The following NRG2 variants were observed in gnomAD, a reference collection of about 807,000 sequenced individuals.
The protein encoded by NRG2 is pro-neuregulin-2, membrane-bound isoform.
Under a neutral mutation model 73.9 loss-of-function variants are expected in NRG2, and 27 were observed. That is an observed-to-expected ratio of 0.37 (90% CI 0.27 to 0.50). NRG2 has a LOEUF of 0.50. NRG2 is among the 20% of genes least tolerant of loss of function. The pLI, the probability that NRG2 is intolerant of heterozygous loss-of-function variation, is 0.96. For missense variants in NRG2, 1,126 were observed against 1,210.1 expected, an observed-to-expected ratio of 0.93 and a Z score of 1.03; for synonymous variants, 532 against 541.0, an observed-to-expected ratio of 0.98 and a Z score of 0.23.
At chr5:140,026,042 G>A (rs533244623) in intron 1 of NRG2, among the ~76,000 whole-genome samples, 32 of 152,318 alleles carry the variant, frequency 2.1e-4, no homozygotes, top group East Asian at 5.8e-4. Flanking sequence ...GCTAAGCCCA[G>A]AAGGAAGAGG....
In NRG2 at chr5:139,954,303, C is replaced by T. The variant is rs767006924; in HGVS notation, c.701-66792G>A. ...GCCTGGGGCCCCAGGAGACCTGCAG[C>T]GGCTGTCTAGCCCCAGGTCCCAAGG... On this transcript the variant is annotated intron_variant, in intron 1 of 9. Transcript: ENST00000361474. This position sits in a 1 kb window ranked among gnomAD's most constrained non-coding sequence, Gnocchi z 5.0. Among the ~76,000 whole-genome samples the T allele has an allele frequency of 2.9e-4, 44 of 152,146 alleles. 1 individual carries two copies. Among genetic ancestry groups the T allele is most frequent in the Admixed American group, 2.7e-3 (42 of 15,282 alleles).
chr5:139,865,078 C>G lies in NRG2; in HGVS notation c.1189+471G>C. ...CCCTCCCCAGGGGGAGACTGTCAGTCACCAGGGAAGAGAAGAAATAGAAGA... is the reference window on the plus strand; with the variant it reads ...CCCTCCCCAGGGGGAGACTGTCAGTGACCAGGGAAGAGAAGAAATAGAAGA... On this transcript the variant is annotated intron_variant, in intron 5 of 9. Transcript: ENST00000361474. The surrounding 1 kb of genome is among the most constrained non-coding windows in gnomAD (Gnocchi z 5.2). 1 of 1,576,892 alleles carries G rather than the reference C, an allele frequency of 6.3e-7. No homozygotes were observed. Among genetic ancestry groups the G allele is most frequent in the Non-Finnish European group, 8.7e-7 (1 of 1,146,234 alleles).
At position 139,904,146 on chromosome 5, in the gene NRG2, G is replaced by A. The variant is rs1449761956; in HGVS notation, c.701-16635C>T. 2.6e-5 allele frequency among the ~76,000 whole-genome samples: 4 copies of A among 152,234 alleles called. No individual in the cohort carries two copies. In the East Asian group the frequency reaches 5.8e-4, roughly 22 times the overall value. ...CACGCAGCCCCTTGCTCTCCCGGCC[G>A]CGACGACCCGCTCGCACGCAGGCAC... is the stretch of plus-strand genomic sequence containing the variant. On this transcript the variant is annotated intron_variant, in intron 1 of 9. Coordinates refer to ENST00000361474, the MANE Select transcript of NRG2 (RefSeq NM_004883.3). This position sits in a 1 kb window ranked among gnomAD's most constrained non-coding sequence, Gnocchi z 6.0.
chr5:140,039,136 A>C (rs1462102590), intron 1 of NRG2, among the ~76,000 whole-genome samples: 1 of 152,174 alleles, frequency 6.6e-6, no homozygotes, highest in African/African-American at 2.4e-5. Flanking sequence ...GGAAATCCCA[A>C]AGAAAGAAAT....
chr5:139,971,528 C>T (rs535624278), intron 1 of NRG2, among the ~76,000 whole-genome samples: 13 of 152,260 alleles, frequency 8.5e-5, no homozygotes, highest in Admixed American at 2.6e-4. Flanking sequence ...TCAAACATGC[C>T]TTTGGCCCAA....
chr5:139,932,580 T>G (rs551471718), intron 1 of NRG2, among the ~76,000 whole-genome samples: 1 of 152,170 alleles, frequency 6.6e-6, no homozygotes, highest in African/African-American at 2.4e-5. Flanking sequence ...CTACAGTTAA[T>G]AGAATTGTAT....
intron 1 of NRG2, among the ~76,000 whole-genome samples, chr5:139,890,701 G>A (rs1350466626): frequency 6.6e-6 from 1 of 152,142 alleles, no homozygotes; most frequent in Non-Finnish European, 1.5e-5. Flanking sequence ...TTACAAGTCA[G>A]GTACCTGGGA....
Position 139,865,670 on chromosome 5 carries a change from T to C in NRG2, c.1113-45A>G. ...AAAATCACAGAACAAACTGGCATCATCCGCGAGGCTAAGGTTAGAAATCAA... is the reference window on the plus strand; with the variant it reads ...AAAATCACAGAACAAACTGGCATCACCCGCGAGGCTAAGGTTAGAAATCAA... On this transcript the variant is annotated intron_variant, in intron 4 of 9. Transcript: ENST00000361474. This position sits in a 1 kb window ranked among gnomAD's most constrained non-coding sequence, Gnocchi z 5.2. 2 of 1,516,186 alleles carry C rather than the reference T, an allele frequency of 1.3e-6. No individual in the cohort carries two copies. Among genetic ancestry groups the C allele is most frequent in the South Asian group, 2.3e-5 (2 of 86,226 alleles). 93.9% of individuals were successfully genotyped at this position (1,516,186 alleles called of 1,614,324 possible).
intron 1 of NRG2, among the ~76,000 whole-genome samples, chr5:139,991,864 A>C (rs936587612): frequency 6.6e-6 from 1 of 152,122 alleles, no homozygotes; most frequent in African/African-American, 2.4e-5. Flanking sequence ...GAAGTTCCAT[A>C]TCTATGTGAG....
intron 1 of NRG2, among the ~76,000 whole-genome samples, chr5:139,981,828 GC>G (rs1202968430): frequency 6.6e-6 from 1 of 152,212 alleles, no homozygotes; most frequent in Non-Finnish European, 1.5e-5. Context: ...TTAAGGCTGT[GC>G]CCCAGCACAG....
intron 3 of NRG2, among the ~76,000 whole-genome samples, chr5:139,874,946 G>A (rs184327978): frequency 8.5e-5 from 13 of 152,276 alleles, no homozygotes; most frequent in African/African-American, 2.9e-4. Context: ...TTATTCCCTC[G>A]CTTAGCTTCA....
At chr5:139,930,621 G>A (rs1336668308) in intron 1 of NRG2, among the ~76,000 whole-genome samples, 1 of 152,180 alleles carries the variant, frequency 6.6e-6, no homozygotes, top group Non-Finnish European at 1.5e-5. Flanking sequence ...ATGCCTCATT[G>A]GCTTCTAGAT....
At chr5:140,032,946 G>A (rs748932636) in intron 1 of NRG2, among the ~76,000 whole-genome samples, 2 of 152,266 alleles carry the variant, frequency 1.3e-5, no homozygotes, top group Middle Eastern at 3.4e-3. Flanking sequence ...ATAATTGTAT[G>A]GGTATTAAAT....
At chr5:139,943,104 G>A (rs916063896) in intron 1 of NRG2, among the ~76,000 whole-genome samples, 2 of 152,046 alleles carry the variant, frequency 1.3e-5, no homozygotes, top group African/African-American at 4.8e-5. Context: ...GCCTCCCAAA[G>A]TGCTGCAATT....
chr5:139,915,122 G>A lies in NRG2; in HGVS notation c.701-27611C>T, dbSNP rs1751154228. Among the ~76,000 whole-genome samples the A allele has an allele frequency of 6.6e-6, 1 of 152,196 alleles. No homozygotes were observed. Among genetic ancestry groups the A allele is most frequent in the Non-Finnish European group, 1.5e-5 (1 of 68,042 alleles). On this transcript the variant is annotated intron_variant, in intron 1 of 9. Coordinates refer to ENST00000361474, the MANE Select transcript of NRG2 (RefSeq NM_004883.3). This position sits in a 1 kb window ranked among gnomAD's most constrained non-coding sequence, Gnocchi z 4.0. The stretch of plus-strand genomic sequence containing the variant: ...AAGACCAAATTATAATTAATGGTTT[G>A]TTTCCCATTAAGCTTCTTTCAGACA...
At chr5:139,922,379 C>A (rs571045330) in intron 1 of NRG2, among the ~76,000 whole-genome samples, 7 of 152,212 alleles carry the variant, frequency 4.6e-5, no homozygotes, top group Non-Finnish European at 1.0e-4. Flanking sequence ...CAGGAAATTG[C>A]AAATTAAAAC....
intron 1 of NRG2, among the ~76,000 whole-genome samples, chr5:139,967,565 G>GC (rs879678028): frequency 9.9e-5 from 15 of 152,218 alleles, no homozygotes; most frequent in Non-Finnish European, 1.2e-4. Context: ...CTAAGGAGAG[G>GC]CTGGTAACTG....
At chr5:139,878,368 G>A (rs897215449) in intron 3 of NRG2, among the ~76,000 whole-genome samples, 3 of 152,192 alleles carry the variant, frequency 2.0e-5, no homozygotes, top group African/African-American at 7.2e-5. Flanking sequence ...TGTACTTATG[G>A]ACACAGAGAC....
intron 1 of NRG2, among the ~76,000 whole-genome samples, chr5:140,018,679 C>T (rs146536400): frequency 1.4e-3 from 217 of 152,246 alleles, no homozygotes; most frequent in African/African-American, 4.6e-3. Context: ...GGACAACAAG[C>T]GCATGCCAAG....
Sources: gnomAD v4.1 joint callset for allele counts (sites outside exome capture counted in the v4.1 genomes callset) on GRCh38, gnomAD v4.1.1 for gene constraint, Gnocchi (gnomAD v3.1) non-coding constraint, MANE v1.5 for transcripts, NCBI Gene and HGNC (gene_info 2026-07-23, HGNC 2026-07-21) for gene names.